Variants in ETF1 observed in about 807,000 individuals in gnomAD.
The protein encoded by ETF1 is eukaryotic peptide chain release factor subunit 1.
In ETF1, 4 loss-of-function variants were observed where a neutral mutation model predicts 55.1. That is an observed-to-expected ratio of 0.07 (90% confidence interval 0.04 to 0.17). The LOEUF (loss-of-function observed/expected upper bound fraction) is 0.17. ETF1 is among the 10% of genes least tolerant of loss of function. The pLI, the probability that ETF1 is intolerant of heterozygous loss-of-function variation, is 1.00. For missense variants in ETF1, 142 were observed against 523.6 expected (o/e 0.27, Z 7.11); for synonymous variants, 157 against 182.3 (o/e 0.86, Z 1.12).
intron 2 of ETF1, chr5:138,541,636 G>A (rs1357008825): frequency 3.9e-6 from 6 of 1,520,618 alleles, no homozygotes; most frequent in Non-Finnish European, 4.4e-6. Flanking sequence ...TGACAATCCT[G>A]GGCTGGAAAC....
chr5:138,527,091 C>T (rs891999442), intron 2 of ETF1, among the ~76,000 whole-genome samples: 1 of 152,150 alleles, frequency 6.6e-6, no homozygotes, highest in Non-Finnish European at 1.5e-5. Context: ...CCTGCCTTGG[C>T]CTCCCAAAGT....
chr5:138,538,242 T>G (rs1766026751), intron 2 of ETF1, among the ~76,000 whole-genome samples: 1 of 140,534 alleles, frequency 7.1e-6, no homozygotes. Flanking sequence ...CAGGCTGGAG[T>G]GCAGTGGCGG....
chr5:138,536,676 G>A (rs866240004), intron 2 of ETF1, among the ~76,000 whole-genome samples: 8 of 152,186 alleles, frequency 5.3e-5, no homozygotes, highest in Non-Finnish European at 1.0e-4. Flanking sequence ...CCTCTTAGTT[G>A]AACAGATCCA....
intron 7 of ETF1, 45 bp from the exon 8 acceptor site, chr5:138,511,245 T>A (rs1764763184): frequency 6.2e-7 from 1 of 1,600,342 alleles, no homozygotes; most frequent in Admixed American, 1.8e-5. Flanking sequence ...AAAGTTTCCC[T>A]AGTAGATACA....
chr5:138,526,816 T>C (rs576629450), intron 2 of ETF1, among the ~76,000 whole-genome samples: 1 of 151,760 alleles, frequency 6.6e-6, no homozygotes, highest in Admixed American at 6.6e-5. Flanking sequence ...TTCTTCTGCC[T>C]CAGCCTCCTG....
chr5:138,509,755 C>T (rs981234742), intron 9 of ETF1, among the ~76,000 whole-genome samples: 1 of 151,830 alleles, frequency 6.6e-6, no homozygotes, highest in African/African-American at 2.4e-5. Context: ...ATTAGTCAGG[C>T]GTGGTGGCGG....
chr5:138,533,483 C>T (rs891778119), intron 2 of ETF1, among the ~76,000 whole-genome samples: 3 of 152,014 alleles, frequency 2.0e-5, no homozygotes, highest in Non-Finnish European at 2.9e-5. Context: ...GTCAAGAGAT[C>T]GAGACCATCC....
chr5:138,530,782 C>A (rs1765666860), intron 2 of ETF1, among the ~76,000 whole-genome samples: 1 of 152,224 alleles, frequency 6.6e-6, no homozygotes, highest in South Asian at 2.1e-4. Context: ...CCAGGCTGGT[C>A]TCGAACTCCT....
At chr5:138,509,251 C>T (rs1357157704) in intron 9 of ETF1, 36 of 845,422 alleles carry the variant, frequency 4.3e-5, no homozygotes, top group Admixed American at 1.2e-4. Context: ...CTATCTCATA[C>T]GGGAGGGTCA....
At chr5:138,538,879 G>A (rs1308782943) in intron 2 of ETF1, among the ~76,000 whole-genome samples, 2 of 152,084 alleles carry the variant, frequency 1.3e-5, no homozygotes, top group African/African-American at 2.4e-5. Flanking sequence ...CAATGATCTC[G>A]CCAAAACACT....
chr5:138,518,556 C>G, intron 3 of ETF1, 136 bp downstream of exon 3: 6 of 723,480 alleles, frequency 8.3e-6, no homozygotes, highest in Non-Finnish European at 1.4e-5. Context: ...AACAAAAAAG[C>G]TAACCACCAA....
intron 4 of ETF1, among the ~76,000 whole-genome samples, chr5:138,516,462 C>T (rs1261198086): frequency 6.6e-6 from 1 of 152,154 alleles, no homozygotes; most frequent in Non-Finnish European, 1.5e-5. Flanking sequence ...CATGGCAAAA[C>T]TCTGTCTCTA....
chr5:138,508,419 G>A, intron 10 of ETF1, 32 bp from the exon 11 acceptor site: 1 of 1,611,752 alleles, frequency 6.2e-7, no homozygotes, highest in Non-Finnish European at 8.5e-7. Context: ...TAAATTACCT[G>A]TGTTCATGGG....
At chr5:138,525,334 T>G (rs1211395226) in intron 2 of ETF1, among the ~76,000 whole-genome samples, 2 of 151,820 alleles carry the variant, frequency 1.3e-5, no homozygotes, top group African/African-American at 4.8e-5. Context: ...ATTTTTGTAT[T>G]TTTAGTAGAG....
chr5:138,512,641 A>C, intron 6 of ETF1, 123 bp downstream of exon 6: 1 of 765,806 alleles, frequency 1.3e-6, no homozygotes, highest in Non-Finnish European at 2.0e-6. Flanking sequence ...CTGCTGTTTA[A>C]CTCAGAGGCA....
chr5:138,522,992 C>G (rs764436586), intron 2 of ETF1, among the ~76,000 whole-genome samples: 29 of 149,188 alleles, frequency 1.9e-4, no homozygotes, highest in Non-Finnish European at 4.0e-4. Flanking sequence ...GGCGAAAGAG[C>G]AAGACTCCAT....
At chr5:138,542,646 A>G (rs1766231590) in intron 2 of ETF1, 187 bp downstream of exon 2, 1 of 1,428,596 alleles carries the variant, frequency 7.0e-7, no homozygotes, top group Non-Finnish European at 9.1e-7. Context: ...CCATGCGGGG[A>G]AAGGACCCCT....
intron 2 of ETF1, among the ~76,000 whole-genome samples, chr5:138,537,118 T>C (rs1015950963): frequency 1.2e-4 from 18 of 152,112 alleles, no homozygotes; most frequent in Non-Finnish European, 5.9e-5. Flanking sequence ...TTAGGACTAG[T>C]TCTGAGTTGA....
intron 2 of ETF1, among the ~76,000 whole-genome samples, chr5:138,520,708 T>C (rs1200248285): frequency 6.6e-6 from 1 of 152,092 alleles, no homozygotes; most frequent in Non-Finnish European, 1.5e-5. Flanking sequence ...TAGCCCTAGC[T>C]ATTCAGGAGG....
Sources: allele counts gnomAD v4.1 joint callset (sites outside exome capture counted in the v4.1 genomes callset), GRCh38; gene constraint gnomAD v4.1.1; transcripts MANE v1.5; gene names NCBI Gene and HGNC (gene_info 2026-07-23, HGNC 2026-07-21).